The following KCNK2 variants were observed in gnomAD, a reference collection of about 807,000 sequenced individuals.
KCNK2 encodes the protein potassium two pore domain channel subfamily K member 2.
In KCNK2, 21 loss-of-function variants were observed where a neutral mutation model predicts 40.5. That is an observed-to-expected ratio of 0.52 (90% CI 0.37 to 0.75). KCNK2 has a LOEUF of 0.75. Among genes scored for constraint, KCNK2 ranks in the 30% least tolerant of loss-of-function variants. KCNK2 has a pLI of 0.00. For missense variants in KCNK2, 399 were observed against 531.6 expected, an observed-to-expected ratio of 0.75 and a Z score of 2.45; for synonymous variants, 191 against 202.2, an observed-to-expected ratio of 0.94 and a Z score of 0.47.
intron 2 of KCNK2, among the ~76,000 whole-genome samples, chr1:215,095,762 A>G (rs1298828636): frequency 1.3e-5 from 2 of 151,986 alleles, no homozygotes; most frequent in African/African-American, 4.8e-5. Context: ...TGGATTGTAA[A>G]CCCAGTAAAC....
intron 3 of KCNK2, among the ~76,000 whole-genome samples, chr1:215,163,519 C>T (rs1207522474): frequency 3.9e-5 from 6 of 151,954 alleles, no homozygotes; most frequent in African/African-American, 1.2e-4. Context: ...GAGAGATTCC[C>T]GCTTTTGCCC....
At chr1:215,071,470 C>T (rs1314566276) in intron 1 of KCNK2, among the ~76,000 whole-genome samples, 1 of 152,126 alleles carries the variant, frequency 6.6e-6, no homozygotes, top group Non-Finnish European at 1.5e-5. Flanking sequence ...TCCATGGTAA[C>T]TAGCCTGCAT....
At chr1:215,174,752 T>C (rs1347261369) in intron 5 of KCNK2, among the ~76,000 whole-genome samples, 1 of 152,172 alleles carries the variant, frequency 6.6e-6, no homozygotes, top group Non-Finnish European at 1.5e-5. Flanking sequence ...GGGAGTTCAC[T>C]CATGATTTGG....
At chr1:215,174,045 C>T (rs1479623405) in intron 5 of KCNK2, among the ~76,000 whole-genome samples, 1 of 152,180 alleles carries the variant, frequency 6.6e-6, no homozygotes, top group African/African-American at 2.4e-5. Flanking sequence ...AGTCCTTGCC[C>T]ATGCCTATGT....
intron 3 of KCNK2, among the ~76,000 whole-genome samples, chr1:215,153,920 G>C (rs1431657905): frequency 6.6e-6 from 1 of 152,090 alleles, no homozygotes; most frequent in African/African-American, 2.4e-5. Context: ...CAAAGGACAT[G>C]ATCTCATTCC....
chr1:215,123,647 C>T (rs1334805771), intron 2 of KCNK2, among the ~76,000 whole-genome samples: 4 of 152,068 alleles, frequency 2.6e-5, no homozygotes, highest in African/African-American at 9.7e-5. Context: ...TGTCCATTTG[C>T]CAGCAAACTG....
intron 5 of KCNK2, among the ~76,000 whole-genome samples, chr1:215,186,874 C>T (rs1664460368): frequency 1.3e-5 from 2 of 152,202 alleles, no homozygotes; most frequent in South Asian, 4.1e-4. Context: ...AAGCAGACCC[C>T]TGTTGCTAAG....
intron 1 of KCNK2, among the ~76,000 whole-genome samples, chr1:215,022,555 A>AG (rs1558059849): frequency 3.3e-5 from 5 of 152,116 alleles, no homozygotes; most frequent in African/African-American, 1.2e-4. Flanking sequence ...TGGAACCATT[A>AG]CTATTCAAAT....
chr1:215,083,239 T>A lies in KCNK2; in HGVS notation c.-147T>A. On this transcript the variant is annotated 5_prime_UTR_variant, in exon 1 of 7. Transcript: ENST00000444842. ...GCGTCCAGCCCCGCTCTCCCCACCT[T>A]GTAAAACAAAGCCGGGGAAAATGCC... 1 of 1,280,388 alleles carries A rather than the reference T, an allele frequency of 7.8e-7. No homozygotes were observed. The highest frequency in any genetic ancestry group is 2.0e-5 in the Admixed American group (1 of 49,592). The allele number at this position is 1,280,388 out of a possible 1,614,324, so 79.3% of individuals were successfully genotyped here.
chr1:215,150,148 A>T (rs1475774256), intron 3 of KCNK2, among the ~76,000 whole-genome samples: 1 of 152,188 alleles, frequency 6.6e-6, no homozygotes, highest in African/African-American at 2.4e-5. Context: ...GGGCTTAAAG[A>T]TGGCTTCTTG....
intron 3 of KCNK2, among the ~76,000 whole-genome samples, chr1:215,159,153 A>G (rs936399799): frequency 6.6e-6 from 1 of 152,294 alleles, no homozygotes; most frequent in East Asian, 1.9e-4. Context: ...GCTATAGAAC[A>G]TTACAAGGCA....
At chr1:215,019,627 C>A (rs537971975) in intron 1 of KCNK2, among the ~76,000 whole-genome samples, 10 of 152,290 alleles carry the variant, frequency 6.6e-5, no homozygotes, top group African/African-American at 2.4e-4. Context: ...AATTCATTCA[C>A]CTTCTATGTT....
At chr1:215,214,050 T>C (rs1210656370) in intron 6 of KCNK2, among the ~76,000 whole-genome samples, 1 of 152,236 alleles carries the variant, frequency 6.6e-6, no homozygotes, top group Non-Finnish European at 1.5e-5. Context: ...ACCTGTTTAC[T>C]GTTACAAATA....
intron 1 of KCNK2, among the ~76,000 whole-genome samples, chr1:215,024,260 A>G (rs1010152995): frequency 6.6e-6 from 1 of 152,186 alleles, no homozygotes; most frequent in Non-Finnish European, 1.5e-5. Context: ...ACAATCTTTG[A>G]ATGGGGCCAG....
intron 1 of KCNK2, among the ~76,000 whole-genome samples, chr1:215,036,157 A>G (rs1055781810): frequency 2.0e-5 from 3 of 149,292 alleles, no homozygotes; most frequent in African/African-American, 7.4e-5. Context: ...TAGAAAATTT[A>G]TAATTTTAGC....
intron 1 of KCNK2, among the ~76,000 whole-genome samples, chr1:215,045,221 C>A (rs912590577): frequency 2.7e-4 from 36 of 134,370 alleles, no homozygotes; most frequent in Admixed American, 1.5e-3. Flanking sequence ...AAAAAAAAAA[C>A]CACATAAAAA....
intron 1 of KCNK2, among the ~76,000 whole-genome samples, chr1:215,010,203 C>A (rs954024118): frequency 1.8e-4 from 28 of 152,254 alleles, no homozygotes; most frequent in Middle Eastern, 3.4e-3. Flanking sequence ...TATGAAGCAG[C>A]AGGTCCAGAT....
intron 1 of KCNK2, among the ~76,000 whole-genome samples, chr1:215,047,256 T>C (rs10494991): frequency 0.32 from 48,361 of 152,062 alleles, 9,194 homozygotes; most frequent in South Asian, 0.76. Flanking sequence ...AATGTCTTAA[T>C]TGAATACTTG....
chr1:215,008,482 C>T (rs983261828), intron 1 of KCNK2, among the ~76,000 whole-genome samples: 14 of 152,044 alleles, frequency 9.2e-5, no homozygotes, highest in Non-Finnish European at 4.4e-5. Context: ...ATTCCAGACC[C>T]CCTACTTATA....
Sources: gnomAD v4.1 joint callset for allele counts (sites outside exome capture counted in the v4.1 genomes callset) on GRCh38, gnomAD v4.1.1 for gene constraint, MANE v1.5 for transcripts, NCBI Gene and HGNC (gene_info 2026-07-23, HGNC 2026-07-21) for gene names.